TNK2: variants seen among roughly 807,000 people sequenced by gnomAD.
The protein encoded by TNK2 is activated CDC42 kinase 1.
Under a neutral mutation model 101.8 loss-of-function variants are expected in TNK2, and 83 were observed. The ratio of observed to expected loss-of-function variants is 0.82; its 90% CI spans 0.68 to 0.98. TNK2 has a LOEUF of 0.98. Among genes scored for constraint, TNK2 ranks in the 50% least tolerant of loss-of-function variants. The pLI is 0.00. For synonymous variants in TNK2, 804 were observed against 633.0 expected (o/e 1.27, Z -4.06); for missense variants, 1,665 against 1,483.2 (o/e 1.12, Z -2.01).
At chr3:195,904,032 C>T (rs1761489574) in intron 1 of TNK2, among the ~76,000 whole-genome samples, 3 of 151,812 alleles carry the variant, frequency 2.0e-5, no homozygotes, top group South Asian at 2.1e-4. Context: ...AGGTGAAAGC[C>T]GCTTGAGGCC....
intron 10 of TNK2, 195 bp from the exon 11 acceptor site, chr3:195,870,400 G>A: frequency 8.3e-6 from 12 of 1,446,060 alleles, no homozygotes; most frequent in Non-Finnish European, 1.1e-5. Context: ...GCAGAGAAAG[G>A]ACACCTGACC....
At position 195,876,381 on chromosome 3, in the gene TNK2, G is replaced by A. The variant is rs1041576921; in HGVS notation, c.1256+1872C>T. On this transcript the variant is annotated intron_variant, in intron 9 of 15. Coordinates refer to ENST00000672887, the MANE Select transcript of TNK2 (RefSeq NM_001382273.1). ...AGTGGGAAGCCACGGCGAAGAGAAG[G>A]CCAGGCTAGGAGGGAACTCCAAACA... 28 of 455,494 alleles carry A rather than the reference G, an allele frequency of 6.1e-5. No homozygotes were observed. The Middle Eastern group carries it at 1.3e-3, about 21-fold the overall frequency. The allele number at this position is 455,494 out of a possible 1,614,324, so 28.2% of individuals were successfully genotyped here.
At chr3:195,879,337 C>T (rs772048339) in intron 6 of TNK2, 162 bp from the exon 7 acceptor site, 53 of 1,002,116 alleles carry the variant, frequency 5.3e-5, no homozygotes, top group South Asian at 2.1e-4. Flanking sequence ...GACCCCTTGA[C>T]GACACGATGC....
intron 10 of TNK2, among the ~76,000 whole-genome samples, chr3:195,870,684 G>A (rs1010655890): frequency 3.9e-5 from 6 of 152,250 alleles, no homozygotes; most frequent in Non-Finnish European, 5.9e-5. Context: ...CTCCGTCCCT[G>A]CACCAACTGT....
At chr3:195,907,985 G>A (rs1301828503) in intron 1 of TNK2, 1 of 152,318 alleles carries the variant, frequency 6.6e-6, no homozygotes, top group Admixed American at 6.5e-5. Flanking sequence ...GGCCAGGCTC[G>A]TGCCGTACCC....
chr3:195,869,240 CAGA>C, intron 12 of TNK2: 1 of 591,850 alleles, frequency 1.7e-6, no homozygotes, highest in Non-Finnish European at 3.0e-6. Context: ...ACTCGTGCTC[CAGA>C]AGCTCAGACA....
intron 12 of TNK2, chr3:195,869,142 G>A (rs1351956134): frequency 9.5e-6 from 5 of 528,074 alleles, no homozygotes; most frequent in African/African-American, 1.9e-5. Context: ...TCCTTGGAGA[G>A]GACAGTACTC....
chr3:195,876,782 C>T (rs1295961502), intron 9 of TNK2: 5 of 368,668 alleles, frequency 1.4e-5, no homozygotes, highest in Admixed American at 7.1e-5. Context: ...CCACAACCCT[C>T]CCAGGAGCAG....
chr3:195,893,751 C>T (rs572744408), intron 1 of TNK2, among the ~76,000 whole-genome samples: 1 of 152,258 alleles, frequency 6.6e-6, no homozygotes, highest in East Asian at 1.9e-4. Context: ...GTTTCTTGCA[C>T]ACTGCTCTCT....
intron 1 of TNK2, among the ~76,000 whole-genome samples, chr3:195,891,639 G>A (rs1758487721): frequency 6.6e-6 from 1 of 151,138 alleles, no homozygotes; most frequent in Admixed American, 6.6e-5. Flanking sequence ...CCGCTGCCCT[G>A]TCCCTGGAGC....
intron 2 of TNK2, among the ~76,000 whole-genome samples, chr3:195,887,885 T>TGCGC: frequency 6.9e-6 from 1 of 145,270 alleles, no homozygotes; most frequent in Non-Finnish European, 1.5e-5. Flanking sequence ...AGCGCGTGCG[T>TGCGC]ACGCACGTGC....
At chr3:195,873,285 G>C (rs533584285) in intron 9 of TNK2, among the ~76,000 whole-genome samples, 25 of 152,220 alleles carry the variant, frequency 1.6e-4, no homozygotes, top group African/African-American at 5.8e-4. Context: ...CAGGGGCAGG[G>C]GCAGGGGCAG....
At chr3:195,892,281 G>T (rs1758829699) in intron 1 of TNK2, 2 of 945,036 alleles carry the variant, frequency 2.1e-6, no homozygotes, top group African/African-American at 1.7e-5. Context: ...ACTTGGCCCG[G>T]ACTCCCCGTC....
chr3:195,869,325 G>A (rs566742863), intron 12 of TNK2, 172 bp downstream of exon 12: 52 of 698,692 alleles, frequency 7.4e-5, no homozygotes, highest in Admixed American at 7.2e-4. Context: ...GCTCCGGGGG[G>A]CGGGCTCGAG....
chr3:195,868,572 T>G lies in TNK2; in HGVS notation c.1726A>C (p.Ser576Arg). Reference protein sequence around the residue: ...PSARVPGTKASRGSGAEVTLI... With the variant: ...PSARVPGTKARRGSGAEVTLI... Reference sequence around the variant, plus strand: ...GTGACCTCAGCCCCGCTGCCTCGGCTGGCCTTGGTGCCCGGCACCCGCGCC... The same window carrying G: ...GTGACCTCAGCCCCGCTGCCTCGGCGGGCCTTGGTGCCCGGCACCCGCGCC... The change falls in exon 13 of 16, where the codon AGC (serine) becomes CGC (arginine). Residue 576 changes from serine to arginine, a missense_variant. Transcript: ENST00000672887. 6.4e-7 allele frequency: 1 copy of G among 1,574,788 alleles called. No individual in the cohort carries two copies. Among genetic ancestry groups the G allele is most frequent in the Non-Finnish European group, 8.6e-7 (1 of 1,169,028 alleles).
At chr3:195,873,399 G>A (rs1439926222) in intron 9 of TNK2, among the ~76,000 whole-genome samples, 1 of 152,072 alleles carries the variant, frequency 6.6e-6, no homozygotes. Flanking sequence ...CATACGTGAT[G>A]CCGTGAGCAG....
In TNK2 at chr3:195,879,138, G is replaced by A. The variant is rs750311507; in HGVS notation, c.925C>T (p.His309Tyr). The A allele has an allele frequency of 6.2e-7, 1 of 1,613,844 alleles. No individual in the cohort carries two copies. Among genetic ancestry groups the A allele is most frequent in the South Asian group, 1.1e-5 (1 of 91,078 alleles). Residue 309 changes from histidine (H) to tyrosine (Y), a missense_variant, in exon 7 of 16, where the codon CAT becomes TAT. By Grantham distance (83) the His-to-Tyr change is moderately conservative. Around this residue, in one of 3 missense-constraint regions of TNK2, gnomAD observed 490 missense variants for 522.5 expected, o/e 0.94. Transcript: ENST00000672887. ...CCGAACATCCAGGTGTCGCTGGCAT[G>A]GGAGAAGGTGCGTGTCTTCAGGCTC... ...PESLKTRTFS[H>Y]ASDTWMFGVT... is the part of the protein sequence containing the mutation.
At chr3:195,873,298 A>C (rs913064681) in intron 9 of TNK2, among the ~76,000 whole-genome samples, 2 of 152,170 alleles carry the variant, frequency 1.3e-5, no homozygotes, top group African/African-American at 4.8e-5. Context: ...AGGGGCAGGC[A>C]GGCCAGGAAG....
At chr3:195,864,226 A>G in intron 15 of TNK2, 39 bp from the exon 16 acceptor site, 13 of 1,613,580 alleles carry the variant, frequency 8.1e-6, no homozygotes, top group Non-Finnish European at 1.1e-5. Context: ...TAAACAGTTT[A>G]CAGAAGGTTC....
Sources: allele counts gnomAD v4.1 joint callset (sites outside exome capture counted in the v4.1 genomes callset), GRCh38; gene constraint gnomAD v4.1.1; regional missense constraint gnomAD v4.1.1; transcripts MANE v1.5; gene names NCBI Gene and HGNC (gene_info 2026-07-23, HGNC 2026-07-21).